Variants in OSBPL3 observed in about 807,000 individuals in gnomAD.
The protein encoded by OSBPL3 is oxysterol-binding protein-related protein 3.
Under a neutral mutation model 120.1 loss-of-function variants are expected in OSBPL3, and 65 were observed. The observed-to-expected ratio is 0.54, with a 90% CI of 0.44 to 0.67. The LOEUF is 0.67. Ranked by LOEUF, OSBPL3 falls within the 30% of genes least tolerant of loss-of-function variation. The pLI is 0.00. For missense variants in OSBPL3, 1,004 were observed against 1,082.1 expected (o/e 0.93, Z 1.01); for synonymous variants, 416 against 402.6 (o/e 1.03, Z -0.40).
chr7:24,935,036 A>G (rs1812236283), intron 1 of OSBPL3, among the ~76,000 whole-genome samples: 2 of 152,172 alleles, frequency 1.3e-5, no homozygotes, highest in Admixed American at 6.5e-5. Context: ...TGCTCATCAT[A>G]AGGTTGTTTG....
chr7:24,870,247 G>T (rs1056013934), intron 5 of OSBPL3, among the ~76,000 whole-genome samples: 1 of 152,112 alleles, frequency 6.6e-6, no homozygotes, highest in Admixed American at 6.5e-5. Context: ...CAGCTTTGAA[G>T]TACTATTTGG....
chr7:24,928,579 T>A (rs138190678), intron 1 of OSBPL3, among the ~76,000 whole-genome samples: 1 of 152,148 alleles, frequency 6.6e-6, no homozygotes, highest in Non-Finnish European at 1.5e-5. Flanking sequence ...TACAGACTGA[T>A]GAGTTTGGAG....
Position 24,898,625 on chromosome 7 carries a change from C to T in OSBPL3, c.-149-6004G>A, listed in dbSNP as rs867249315. Among the ~76,000 whole-genome samples, 2 of 152,156 alleles carry T rather than the reference C, an allele frequency of 1.3e-5. No homozygotes were observed. The highest frequency in any genetic ancestry group is 4.8e-5 in the African/African-American group (2 of 41,428). On this transcript the variant is annotated intron_variant, in intron 1 of 22. Transcript: ENST00000313367. The surrounding 1 kb of genome is among the most constrained non-coding windows in gnomAD (Gnocchi z 4.3). Reference sequence around the variant, plus strand: ...AGCCCAATCCAGCAACAGAAATGCACCTGGTGCATATTTGAAGCGTGCGGC... The same window carrying T: ...AGCCCAATCCAGCAACAGAAATGCATCTGGTGCATATTTGAAGCGTGCGGC...
chr7:24,905,586 A>G (rs1439023083), intron 1 of OSBPL3, among the ~76,000 whole-genome samples: 1 of 152,248 alleles, frequency 6.6e-6, no homozygotes, highest in Admixed American at 6.5e-5. Context: ...GCCCCAGCCC[A>G]GAGTCCATGA....
intron 12 of OSBPL3, among the ~76,000 whole-genome samples, chr7:24,846,946 C>A (rs1178215722): frequency 6.6e-6 from 1 of 151,854 alleles, no homozygotes; most frequent in Non-Finnish European, 1.5e-5. Context: ...GCCTGTAGCC[C>A]CAGCTGCTGG....
At chr7:24,962,453 G>GAGAGGAGGAGAGAGGAGGAA in intron 1 of OSBPL3, among the ~76,000 whole-genome samples, 1 of 144,478 alleles carries the variant, frequency 6.9e-6, no homozygotes, top group Non-Finnish European at 1.5e-5. Context: ...GAGAGGAGGA[G>GAGAGGAGGAGAGAGGAGGAA]AGAGGAGGAG....
Position 24,834,179 on chromosome 7 carries a change from G to A in OSBPL3, c.1746+307C>T, listed in dbSNP as rs116512564. 1.2e-3 allele frequency: 1,335 copies of A among 1,086,272 alleles called. 19 individuals carry two copies. The African/African-American group carries it at 0.02, about 16-fold the overall frequency. The allele number at this position is 1,086,272 out of a possible 1,614,324, so 67.3% of individuals were successfully genotyped here. A position where few individuals can be genotyped will look rare whatever the true frequency, so the allele number is the denominator to read the frequency against. ...GACAGCCCTAAAGACATGTTTTCCA[G>A]CCGGGCACATCGGAACAATCAGCCA... On this transcript the variant is annotated intron_variant, in intron 15 of 22. Coordinates refer to ENST00000313367, the MANE Select transcript of OSBPL3 (RefSeq NM_015550.4). The surrounding 1 kb of genome is among the most constrained non-coding windows in gnomAD (Gnocchi z 5.2).
intron 1 of OSBPL3, among the ~76,000 whole-genome samples, chr7:24,942,631 G>A (rs529364134): frequency 3.5e-4 from 54 of 152,266 alleles, no homozygotes; most frequent in African/African-American, 1.2e-3. Flanking sequence ...TTCCTGTTAG[G>A]TGCAAGCCTT....
chr7:24,939,369 C>T lies in OSBPL3; in HGVS notation c.-150+40517G>A, dbSNP rs1812815454. Among the ~76,000 whole-genome samples the T allele has an allele frequency of 1.3e-5, 2 of 152,174 alleles. No homozygotes were observed. The highest frequency in any genetic ancestry group is 4.8e-5 in the African/African-American group (2 of 41,428). On this transcript the variant is annotated intron_variant, in intron 1 of 22. Transcript: ENST00000313367. The surrounding 1 kb of genome is among the most constrained non-coding windows in gnomAD (Gnocchi z 4.2). ...ATGTGCTTGAGGAGAGCTTGGGCTC[C>T]TCCCCAACCCCAGCTGTAAATCCTG...
intron 2 of OSBPL3, among the ~76,000 whole-genome samples, chr7:24,878,796 T>C (rs1036869859): frequency 3.9e-5 from 6 of 152,228 alleles, no homozygotes; most frequent in African/African-American, 1.4e-4. Flanking sequence ...GTAATTTGCA[T>C]GTCAATCACT....
rs552978796 is a variant in OSBPL3 at position 24,931,145 on chromosome 7, T to A, written c.-149-38524A>T. On this transcript the variant is annotated intron_variant, in intron 1 of 22. Transcript: ENST00000313367. Reference sequence around the variant, plus strand: ...GGTCTTTTCTAAAAGGAGGTATTCATTGTGGGGCACAGAGGGAGGAGTATG... The same window carrying A: ...GGTCTTTTCTAAAAGGAGGTATTCAATGTGGGGCACAGAGGGAGGAGTATG... Among the ~76,000 whole-genome samples the A allele has an allele frequency of 3.7e-4, 57 of 152,322 alleles. No homozygotes were observed. The South Asian group carries it at 0.011, about 30-fold the overall frequency.
At position 24,870,842 on chromosome 7, in the gene OSBPL3, C is replaced by G; in HGVS notation, c.271G>C (p.Glu91Gln). 6.2e-7 allele frequency: 1 copy of G among 1,606,458 alleles called. No individual in the cohort carries two copies. The highest frequency in any genetic ancestry group is 8.5e-7 in the Non-Finnish European group (1 of 1,173,014). ...ATGCAGCCATGCAGCTTCTCTCTCTCTATCTGCAGAGGCACCAAGAGGGTC... is the reference window on the plus strand; with the variant it reads ...ATGCAGCCATGCAGCTTCTCTCTCTGTATCTGCAGAGGCACCAAGAGGGTC... ...LKYAKSQTDI[E>Q]REKLHGCIDV... Residue 91 changes from glutamate (E) to glutamine (Q), a missense_variant, in exon 5 of 23, where the codon GAG becomes CAG. By Grantham distance (29) the Glu-to-Gln change is conservative. Around this residue, in one of 4 missense-constraint regions of OSBPL3, gnomAD observed 255 missense variants for 248.7 expected, o/e 1.03. Transcript: ENST00000313367.
Position 24,841,276 on chromosome 7 carries a change from A to G in OSBPL3, c.1402-493T>C, listed in dbSNP as rs547258812. ...CAATTTAAAACAAATAATGCTATAA[A>G]CCAATATTACAATAACCATATTATC... is the stretch of plus-strand genomic sequence containing the variant. On this transcript the variant is annotated intron_variant, in intron 13 of 22. Coordinates refer to ENST00000313367, the MANE Select transcript of OSBPL3 (RefSeq NM_015550.4). Among the ~76,000 whole-genome samples the G allele has an allele frequency of 6.0e-5, 9 of 148,854 alleles. No individual in the cohort carries two copies. In the East Asian group the frequency reaches 1.6e-3, roughly 26 times the overall value.
rs140105955 is a variant in OSBPL3 at position 24,870,821 on chromosome 7, A to T, written c.292T>A (p.Cys98Ser). ...TDIEREKLHG[C>S]IDVGLSVMSV... ...ATCACTGAGAGCCCGACATCAATGC[A>T]GCCATGCAGCTTCTCTCTCTCTATC... The change falls in exon 5 of 23, where the codon TGC (cysteine) becomes AGC (serine). Residue 98 changes from cysteine (C) to serine (S), a missense_variant. Around this residue, in one of 4 missense-constraint regions of OSBPL3, gnomAD observed 255 missense variants for 248.7 expected, o/e 1.03. Transcript: ENST00000313367. 29 of 1,613,284 alleles carry T rather than the reference A, an allele frequency of 1.8e-5. No individual in the cohort carries two copies. The highest frequency in any genetic ancestry group is 2.7e-5 in the African/African-American group (2 of 74,912).
Position 24,913,841 on chromosome 7 carries a change from C to A in OSBPL3, c.-149-21220G>T, listed in dbSNP as rs1276950868. ...TAGGACGAGGACAAGGACCAAGGAC[C>A]GTATCCCATCAAAAACATACACCCA... On this transcript the variant is annotated intron_variant, in intron 1 of 22. Transcript: ENST00000313367. This position sits in a 1 kb window ranked among gnomAD's most constrained non-coding sequence, Gnocchi z 5.3. Among the ~76,000 whole-genome samples the A allele has an allele frequency of 6.6e-6, 1 of 152,030 alleles. No individual in the cohort carries two copies. The highest frequency in any genetic ancestry group is 2.4e-5 in the African/African-American group (1 of 41,396).
At chr7:24,920,090 C>T (rs190202520) in intron 1 of OSBPL3, among the ~76,000 whole-genome samples, 1 of 152,198 alleles carries the variant, frequency 6.6e-6, no homozygotes, top group African/African-American at 2.4e-5. Context: ...CTAGCAGTTC[C>T]TGAAAATGTT....
chr7:24,830,620 A>G lies in OSBPL3; in HGVS notation c.1884+148T>C. On this transcript the variant is annotated intron_variant, in intron 16 of 22. Transcript: ENST00000313367. The surrounding 1 kb of genome is among the most constrained non-coding windows in gnomAD (Gnocchi z 4.4). ...GTGGCTTGGCTTCAGTGGAAGGGAA[A>G]TCGATCCCTCCCTTTATGTTGAAAA... 1.2e-6 allele frequency: 1 copy of G among 804,576 alleles called. No homozygotes were observed. Among genetic ancestry groups the G allele is most frequent in the Non-Finnish European group, 1.9e-6 (1 of 521,548 alleles). 49.8% of individuals were successfully genotyped at this position (804,576 alleles called of 1,614,324 possible).
intron 2 of OSBPL3, among the ~76,000 whole-genome samples, chr7:24,876,827 T>C (rs188542004): frequency 6.5e-4 from 99 of 152,318 alleles, no homozygotes; most frequent in African/African-American, 2.2e-3. Flanking sequence ...GCAGGAACCT[T>C]TTCTGTCTTG....
At chr7:24,870,232 G>T (rs1242424201) in intron 5 of OSBPL3, among the ~76,000 whole-genome samples, 1 of 152,128 alleles carries the variant, frequency 6.6e-6, no homozygotes, top group Admixed American at 6.5e-5. Context: ...GCACAAGAGG[G>T]TAAGCAGCTT....
Sources: gnomAD v4.1 joint callset for allele counts (sites outside exome capture counted in the v4.1 genomes callset) on GRCh38, gnomAD v4.1.1 for gene constraint, gnomAD v4.1.1 regional missense constraint, Gnocchi (gnomAD v3.1) non-coding constraint, MANE v1.5 for transcripts, NCBI Gene and HGNC (gene_info 2026-07-23, HGNC 2026-07-21) for gene names.